EYA2: variants seen among roughly 807,000 people sequenced by gnomAD.
The protein encoded by EYA2 is protein phosphatase EYA2.
Under a neutral mutation model 69.2 loss-of-function variants are expected in EYA2, and 31 were observed. That is an observed-to-expected ratio of 0.45 (90% CI 0.34 to 0.60). EYA2 has a LOEUF of 0.60. EYA2 is among the 20% of genes least tolerant of loss of function. The pLI, the probability that EYA2 is intolerant of heterozygous loss-of-function variation, is 0.02. For missense variants in EYA2, 622 were observed against 701.2 expected (o/e 0.89, Z 1.28); for synonymous variants, 257 against 279.4 (o/e 0.92, Z 0.80).
At chr20:47,016,820 TAGG>T (rs1221417688) in intron 5 of EYA2, among the ~76,000 whole-genome samples, 2 of 152,086 alleles carry the variant, frequency 1.3e-5, no homozygotes, top group Non-Finnish European at 2.9e-5. Context: ...AGAAGGCATG[TAGG>T]AGGAGAGAAT....
chr20:47,040,187 A>G (rs963331723), intron 5 of EYA2, among the ~76,000 whole-genome samples: 1 of 152,174 alleles, frequency 6.6e-6, no homozygotes, highest in Non-Finnish European at 1.5e-5. Context: ...GCTTGGTGAG[A>G]CTGCACCCAG....
rs1214719440 is a variant in EYA2, at chr20:47,125,051, T to G, written c.889-18008T>G. On this transcript the variant is annotated intron_variant, in intron 9 of 15. Transcript: ENST00000327619. ...ATCCTACAGTCTTTTGGTTAAGTTT[T>G]TTTTTTTTTTTTTTTTTTTTGAGAC... Among the ~76,000 whole-genome samples, 7 of 120,480 alleles carry G rather than the reference T, an allele frequency of 5.8e-5. 1 individual carries two copies. In the South Asian group the frequency reaches 9.6e-4, roughly 17 times the overall value. The allele number at this position is 120,480 out of a possible 152,430, so 79.0% of individuals were successfully genotyped here.
intron 8 of EYA2, among the ~76,000 whole-genome samples, chr20:47,096,341 A>G (rs1390135786): frequency 6.6e-6 from 1 of 152,250 alleles, no homozygotes; most frequent in African/African-American, 2.4e-5. Context: ...CAGAGTGCAG[A>G]AAATTTAACC....
Position 46,990,132 on chromosome 20 carries a change from CT to C in EYA2, c.109+14del. 1 of 1,523,036 alleles carries C rather than the reference CT, an allele frequency of 6.6e-7. No homozygotes were observed. Among genetic ancestry groups the C allele is most frequent in the African/African-American group, 1.4e-5 (1 of 73,390 alleles). The allele number at this position is 1,523,036 out of a possible 1,614,324, so 94.3% of individuals were successfully genotyped here. ...AGTGACAGACAAGGTAGGCTTCCTGCTGTGAGTTTGGGTCAACAGGTGTGGT... is the reference window on the plus strand; with the variant it reads ...AGTGACAGACAAGGTAGGCTTCCTGCGTGAGTTTGGGTCAACAGGTGTGGT... On this transcript the variant is annotated intron_variant, in intron 2 of 15. Transcript: ENST00000327619.
chr20:47,119,501 G>T (rs189726194), intron 9 of EYA2, among the ~76,000 whole-genome samples: 18 of 152,336 alleles, frequency 1.2e-4, no homozygotes, highest in African/African-American at 4.1e-4. Context: ...GCTATGAAAA[G>T]GAATGGGGTA....
chr20:47,007,687 C>T (rs1982800464), intron 4 of EYA2, among the ~76,000 whole-genome samples: 1 of 152,048 alleles, frequency 6.6e-6, no homozygotes, highest in East Asian at 1.9e-4. Context: ...GCAATCATAG[C>T]TCACTGCACC....
At chr20:47,000,670 T>C (rs1239270733) in intron 2 of EYA2, among the ~76,000 whole-genome samples, 2 of 152,070 alleles carry the variant, frequency 1.3e-5, no homozygotes, top group Admixed American at 6.5e-5. Flanking sequence ...CCAGCTTAAC[T>C]CTGTCACCTT....
intron 10 of EYA2, among the ~76,000 whole-genome samples, chr20:47,153,050 C>G (rs1042069764): frequency 2.3e-4 from 35 of 151,844 alleles, no homozygotes; most frequent in African/African-American, 8.5e-4. Flanking sequence ...ATATGTTGGA[C>G]AGTCTTGTAC....
At chr20:47,090,764 A>G (rs2032059785) in intron 8 of EYA2, among the ~76,000 whole-genome samples, 1 of 152,216 alleles carries the variant, frequency 6.6e-6, no homozygotes, top group Non-Finnish European at 1.5e-5. Flanking sequence ...TTAGATCTCT[A>G]TACTTGTCAT....
At chr20:46,927,318 C>G (rs781350999) in intron 1 of EYA2, among the ~76,000 whole-genome samples, 5 of 152,164 alleles carry the variant, frequency 3.3e-5, no homozygotes, top group Non-Finnish European at 7.3e-5. Context: ...ATATGAGCCC[C>G]GCCGGGATCT....
chr20:46,935,461 G>T (rs1318806060), intron 1 of EYA2, among the ~76,000 whole-genome samples: 1 of 152,140 alleles, frequency 6.6e-6, no homozygotes, highest in Non-Finnish European at 1.5e-5. Context: ...AAATGACGAT[G>T]TTATTAATTA....
intron 5 of EYA2, among the ~76,000 whole-genome samples, chr20:47,037,770 G>T (rs1984805561): frequency 6.6e-6 from 1 of 152,140 alleles, no homozygotes; most frequent in African/African-American, 2.4e-5. Context: ...ATTAAATTAG[G>T]CCCTCTCAGG....
intron 10 of EYA2, among the ~76,000 whole-genome samples, chr20:47,164,987 C>T (rs1265272578): frequency 1.3e-5 from 2 of 152,206 alleles, no homozygotes; most frequent in African/African-American, 4.8e-5. Context: ...CCCTCTAGAG[C>T]AGCGCTGTCC....
At chr20:46,940,814 T>C (rs892239006) in intron 1 of EYA2, among the ~76,000 whole-genome samples, 2 of 152,098 alleles carry the variant, frequency 1.3e-5, no homozygotes, top group African/African-American at 4.8e-5. Flanking sequence ...CCCCCAGGCC[T>C]CTCACCAGCA....
At chr20:47,183,533 C>G (rs2034578590) in intron 15 of EYA2, 142 bp downstream of exon 15, 1 of 659,080 alleles carries the variant, frequency 1.5e-6, no homozygotes, top group African/African-American at 1.8e-5. Context: ...CCAGTCCATT[C>G]CATTTGCAAA....
At chr20:47,166,962 TATC>T (rs1472597177) in intron 10 of EYA2, 3 of 154,378 alleles carry the variant, frequency 1.9e-5, no homozygotes, top group Admixed American at 6.5e-5. Context: ...ATCAACATAT[TATC>T]ATGTCACTCC....
At chr20:46,981,180 G>C (rs1420877603) in intron 1 of EYA2, among the ~76,000 whole-genome samples, 2 of 152,174 alleles carry the variant, frequency 1.3e-5, no homozygotes, top group Non-Finnish European at 2.9e-5. Flanking sequence ...CTATCTCCCA[G>C]CGTGGTTGAG....
chr20:46,995,506 C>T (rs1981960010), intron 2 of EYA2, among the ~76,000 whole-genome samples: 1 of 152,148 alleles, frequency 6.6e-6, no homozygotes, highest in Non-Finnish European at 1.5e-5. Context: ...CTTCTGGATG[C>T]CTAGTGTGGT....
At chr20:47,054,504 T>G (rs535618683) in intron 5 of EYA2, among the ~76,000 whole-genome samples, 7 of 152,284 alleles carry the variant, frequency 4.6e-5, no homozygotes, top group South Asian at 4.1e-4. Context: ...TGAGCATGTG[T>G]GGGGGGCTGC....
Sources: gnomAD v4.1 joint callset for allele counts (sites outside exome capture counted in the v4.1 genomes callset) on GRCh38, gnomAD v4.1.1 for gene constraint, MANE v1.5 for transcripts, NCBI Gene and HGNC (gene_info 2026-07-23, HGNC 2026-07-21) for gene names.